The following DGKB variants were observed in gnomAD, a reference collection of about 807,000 sequenced individuals.
DGKB encodes the protein 90 kDa diacylglycerol kinase.
A neutral mutation model predicts 114.3 loss-of-function variants in DGKB; 67 were observed. That is an observed-to-expected ratio of 0.59 (90% confidence interval 0.48 to 0.72). The LOEUF (loss-of-function observed/expected upper bound fraction) is 0.72. DGKB is among the 30% of genes least tolerant of loss of function. The probability of loss-of-function intolerance (pLI) is 0.00; values close to 1 mark genes in which losing one functional copy is unlikely to be tolerated. For missense variants in DGKB, 907 were observed against 975.2 expected, an observed-to-expected ratio of 0.93 and a Z score of 0.93; for synonymous variants, 398 against 323.1, an observed-to-expected ratio of 1.23 and a Z score of -2.49.
intron 21 of DGKB, among the ~76,000 whole-genome samples, chr7:14,352,133 C>G (rs1813559895): frequency 6.6e-6 from 1 of 152,028 alleles, no homozygotes; most frequent in African/African-American, 2.4e-5. Flanking sequence ...ATGAAATAAG[C>G]TACAGAAACT....
At position 14,170,542 on chromosome 7, in the gene DGKB, C is replaced by T. The variant is rs75951705; in HGVS notation, c.2304+6297G>A. On this transcript the variant is annotated intron_variant, in intron 25 of 25. Transcript: ENST00000402815. ...CTTATGTCTTGAAAAATCCAGCAAC[C>T]TTTGTCTAGTTGATATTAACTTGCT... 6.7e-3 allele frequency among the ~76,000 whole-genome samples: 1,019 copies of T among 152,184 alleles called. 9 individuals are homozygous for T. The highest frequency in any genetic ancestry group is 0.023 in the African/African-American group (955 of 41,524).
chr7:14,972,117 G>C (rs952689461), intron 1 of DGKB, among the ~76,000 whole-genome samples: 1 of 151,978 alleles, frequency 6.6e-6, no homozygotes, highest in African/African-American at 2.4e-5. Flanking sequence ...GTTTACATTA[G>C]GTTCTAGTTG....
chr7:14,371,668 CTTTAG>C (rs1817678115), intron 21 of DGKB, among the ~76,000 whole-genome samples: 1 of 152,076 alleles, frequency 6.6e-6, no homozygotes, highest in Non-Finnish European at 1.5e-5. Context: ...GGCAGAAGCT[CTTTAG>C]TTTAATTAGG....
At chr7:14,549,932 T>G (rs1794869627) in intron 20 of DGKB, among the ~76,000 whole-genome samples, 1 of 151,658 alleles carries the variant, frequency 6.6e-6, no homozygotes. Context: ...GAGGTTGCAG[T>G]GAGCCAAGAT....
intron 15 of DGKB, among the ~76,000 whole-genome samples, chr7:14,620,350 A>G (rs973873974): frequency 2.0e-5 from 3 of 151,406 alleles, no homozygotes; most frequent in African/African-American, 7.2e-5. Context: ...TTAATAAATT[A>G]TTATTAAATT....
At chr7:14,794,078 T>C (rs1413036156) in intron 2 of DGKB, among the ~76,000 whole-genome samples, 1 of 152,180 alleles carries the variant, frequency 6.6e-6, no homozygotes, top group Admixed American at 6.5e-5. Flanking sequence ...GGTCAACAGC[T>C]TGCAGAAAGC....
intron 20 of DGKB, among the ~76,000 whole-genome samples, chr7:14,528,762 C>T (rs554201965): frequency 1.7e-4 from 26 of 152,108 alleles, no homozygotes; most frequent in African/African-American, 4.6e-4. Flanking sequence ...ATATATCTTT[C>T]GCAAGACAGG....
intron 23 of DGKB, among the ~76,000 whole-genome samples, chr7:14,238,050 A>G (rs1460708410): frequency 5.9e-5 from 9 of 152,070 alleles, no homozygotes; most frequent in Non-Finnish European, 1.3e-4. Flanking sequence ...TATGACAAAT[A>G]TCTCTCGGGT....
intron 23 of DGKB, among the ~76,000 whole-genome samples, chr7:14,252,602 G>A (rs1018582695): frequency 6.6e-6 from 1 of 152,118 alleles, no homozygotes; most frequent in South Asian, 2.1e-4. Flanking sequence ...GGCCCACAGG[G>A]CTCAACCAGG....
intron 23 of DGKB, among the ~76,000 whole-genome samples, chr7:14,253,455 C>A (rs540602160): frequency 2.0e-5 from 3 of 152,254 alleles, no homozygotes; most frequent in African/African-American, 7.2e-5. Context: ...AGCTGTCTGG[C>A]CCAGGCTATT....
chr7:14,931,877 C>T (rs923273135), intron 1 of DGKB, among the ~76,000 whole-genome samples: 5 of 152,092 alleles, frequency 3.3e-5, no homozygotes, highest in African/African-American at 1.2e-4. Flanking sequence ...GGTTTCATTG[C>T]CAGTTTCTGG....
intron 1 of DGKB, among the ~76,000 whole-genome samples, chr7:14,843,209 T>C (rs1410091025): frequency 1.3e-5 from 2 of 148,902 alleles, no homozygotes; most frequent in East Asian, 3.9e-4. Flanking sequence ...AGAGCAAGAT[T>C]CTGTCTTAAA....
chr7:14,705,742 ATACTT>A (rs1826098921), intron 6 of DGKB, among the ~76,000 whole-genome samples: 1 of 151,652 alleles, frequency 6.6e-6, no homozygotes, highest in South Asian at 2.1e-4. Flanking sequence ...GAGAAATAAA[ATACTT>A]TACAGACAAG....
intron 23 of DGKB, among the ~76,000 whole-genome samples, chr7:14,241,320 C>T (rs1279332059): frequency 6.6e-6 from 1 of 152,094 alleles, no homozygotes; most frequent in Admixed American, 6.6e-5. Flanking sequence ...AATTTTCTTT[C>T]ATGGCTATCT....
chr7:14,916,618 C>T (rs1784251515), intron 1 of DGKB, among the ~76,000 whole-genome samples: 1 of 151,788 alleles, frequency 6.6e-6, no homozygotes, highest in Non-Finnish European at 1.5e-5. Context: ...TATGTGTGTG[C>T]ACCTAAAAAC....
At chr7:14,578,588 T>A (rs1404015805) in intron 19 of DGKB, among the ~76,000 whole-genome samples, 1 of 152,214 alleles carries the variant, frequency 6.6e-6, no homozygotes, top group Non-Finnish European at 1.5e-5. Flanking sequence ...CACTGGTAAG[T>A]ACAATTAAGC....
chr7:14,501,362 G>C (rs1472802608), intron 20 of DGKB, among the ~76,000 whole-genome samples: 1 of 125,254 alleles, frequency 8.0e-6, no homozygotes, highest in Non-Finnish European at 1.6e-5. Context: ...ATATGGTTAT[G>C]GCTTTTGTCT....
At chr7:14,611,860 A>C (rs1170865921) in intron 16 of DGKB, among the ~76,000 whole-genome samples, 1 of 151,756 alleles carries the variant, frequency 6.6e-6, no homozygotes, top group African/African-American at 2.4e-5. Flanking sequence ...TTTCTCTTCA[A>C]ACTTCAATAT....
intron 1 of DGKB, among the ~76,000 whole-genome samples, chr7:14,918,128 A>T (rs1403328379): frequency 6.6e-6 from 1 of 152,144 alleles, no homozygotes; most frequent in African/African-American, 2.4e-5. Context: ...TCTACAATAA[A>T]TCTACAGGTA....
Sources: allele counts gnomAD v4.1 joint callset (sites outside exome capture counted in the v4.1 genomes callset), GRCh38; gene constraint gnomAD v4.1.1; transcripts MANE v1.5; gene names NCBI Gene and HGNC (gene_info 2026-07-23, HGNC 2026-07-21).